The following RIMBP2 variants were observed in gnomAD, a reference collection of about 807,000 sequenced individuals.
The protein encoded by RIMBP2 is RIMS-binding protein 2.
RIMBP2 carries 48 observed loss-of-function variants against 118.6 expected under a neutral mutation model. The ratio of observed to expected loss-of-function variants is 0.40; its 90% CI spans 0.32 to 0.51. The LOEUF (loss-of-function observed/expected upper bound fraction) is 0.51. Among genes scored for constraint, RIMBP2 ranks in the 20% least tolerant of loss-of-function variants. The pLI is 0.41. For synonymous variants in RIMBP2, 762 were observed against 742.9 expected (o/e 1.03, Z -0.42); for missense variants, 1,551 against 1,768.3 (o/e 0.88, Z 2.20).
chr12:130,459,965 A>G (rs2079830688), intron 6 of RIMBP2, among the ~76,000 whole-genome samples: 1 of 152,216 alleles, frequency 6.6e-6, no homozygotes, highest in Non-Finnish European at 1.5e-5. Flanking sequence ...GACTTGGCAC[A>G]GGGTGGACAT....
rs1362987299 is a variant in RIMBP2, at chr12:130,431,362, G to C, written c.2254-3025C>G. ...AGCGGATGGTCAGGGAACACTTCCCGGGTTGTAAAACTGGCAGTCTGTGCA... is the reference window on the plus strand; with the variant it reads ...AGCGGATGGTCAGGGAACACTTCCCCGGTTGTAAAACTGGCAGTCTGTGCA... On this transcript the variant is annotated intron_variant, in intron 14 of 22. Transcript: ENST00000690449. The surrounding 1 kb of genome is among the most constrained non-coding windows in gnomAD (Gnocchi z 4.0). 2.8e-6 allele frequency: 1 copy of C among 355,626 alleles called. No homozygotes were observed. The highest frequency in any genetic ancestry group is 5.9e-6 in the Non-Finnish European group (1 of 168,908). 22.0% of individuals were successfully genotyped at this position (355,626 alleles called of 1,614,324 possible). A position where few individuals can be genotyped will look rare whatever the true frequency, so the allele number is the denominator to read the frequency against.
intron 2 of RIMBP2, among the ~76,000 whole-genome samples, chr12:130,611,227 A>ACATT (rs2060524535): frequency 6.6e-6 from 1 of 152,204 alleles, no homozygotes; most frequent in African/African-American, 2.4e-5. Flanking sequence ...CTGGAACTGC[A>ACATT]CATTCCCCTC....
chr12:130,444,139 T>C (rs1000386370), intron 10 of RIMBP2, among the ~76,000 whole-genome samples: 3 of 152,188 alleles, frequency 2.0e-5, no homozygotes, highest in African/African-American at 7.2e-5. Flanking sequence ...TGGGCACATA[T>C]TTCTGTGCTT....
chr12:130,587,634 T>A (rs1460907385), intron 2 of RIMBP2, among the ~76,000 whole-genome samples: 5 of 85,946 alleles, frequency 5.8e-5, no homozygotes, highest in Non-Finnish European at 1.1e-4. Context: ...AACAATGAGA[T>A]CACATGGACA....
At position 130,638,541 on chromosome 12, in the gene RIMBP2, T is replaced by TA. The variant is rs771681764; in HGVS notation, c.-351-10086dup. 1.2e-3 allele frequency among the ~76,000 whole-genome samples: 184 copies of TA among 152,268 alleles called. 1 individual carries two copies. The highest frequency in any genetic ancestry group is 2.2e-3 in the Non-Finnish European group (147 of 68,012). On this transcript the variant is annotated intron_variant, in intron 1 of 22. Coordinates refer to ENST00000690449, the MANE Select transcript of RIMBP2 (RefSeq NM_001393629.1). Reference sequence around the variant, plus strand: ...CGCCTCCTGTCAGATCATCAGGCATTAGGTTCTCATAGGAATGTGAACCCT... The same window carrying TA: ...CGCCTCCTGTCAGATCATCAGGCATTAAGGTTCTCATAGGAATGTGAACCCT...
chr12:130,501,174 C>G (rs897696863), intron 4 of RIMBP2, among the ~76,000 whole-genome samples: 4 of 152,150 alleles, frequency 2.6e-5, no homozygotes, highest in African/African-American at 4.8e-5. Context: ...CCTGTTGATT[C>G]CACCTTGAAG....
intron 2 of RIMBP2, among the ~76,000 whole-genome samples, chr12:130,522,191 C>A (rs2052204689): frequency 6.6e-6 from 1 of 152,178 alleles, no homozygotes; most frequent in Non-Finnish European, 1.5e-5. Context: ...CAGGAATAGC[C>A]TTATTTGATT....
Position 130,506,745 on chromosome 12 carries a change from T to C in RIMBP2, c.-101A>G. 1 of 985,720 alleles carries C rather than the reference T, an allele frequency of 1.0e-6. No homozygotes were observed. The highest frequency in any genetic ancestry group is 1.2e-6 in the Non-Finnish European group (1 of 829,960). 61.1% of individuals were successfully genotyped at this position (985,720 alleles called of 1,614,324 possible). ...TCTGGTCACGAGGGTGAGCGGATGG[T>C]TGAGATGCACATACTCTGCCTTCAC... On this transcript the variant is annotated 5_prime_UTR_variant, in exon 4 of 23. Transcript: ENST00000690449.
At position 130,688,064 on chromosome 12, in the gene RIMBP2, G is replaced by A. The variant is rs566541168; in HGVS notation, c.-352+28158C>T. ...TTGTTAAAATTCGTACTGTGGGAAAGAGGGGCACATCACAGAAGTCACCAG... is the reference window on the plus strand; with the variant it reads ...TTGTTAAAATTCGTACTGTGGGAAAAAGGGGCACATCACAGAAGTCACCAG... On this transcript the variant is annotated intron_variant, in intron 1 of 22. Coordinates refer to ENST00000690449, the MANE Select transcript of RIMBP2 (RefSeq NM_001393629.1). The surrounding 1 kb of genome is among the most constrained non-coding windows in gnomAD (Gnocchi z 4.7). Among the ~76,000 whole-genome samples the A allele has an allele frequency of 3.9e-5, 6 of 152,350 alleles. No homozygotes were observed. In the East Asian group the frequency reaches 1.2e-3, roughly 29 times the overall value.
At chr12:130,502,154 C>T (rs2049857949) in intron 4 of RIMBP2, among the ~76,000 whole-genome samples, 1 of 152,108 alleles carries the variant, frequency 6.6e-6, no homozygotes, top group Non-Finnish European at 1.5e-5. Flanking sequence ...CAACCAAGAC[C>T]CTCCAGTGGC....
chr12:130,598,959 G>A (rs533725131), intron 2 of RIMBP2, among the ~76,000 whole-genome samples: 12 of 152,134 alleles, frequency 7.9e-5, no homozygotes, highest in African/African-American at 2.2e-4. Context: ...CTCCCACTTC[G>A]GGCTCCCAAA....
intron 2 of RIMBP2, among the ~76,000 whole-genome samples, chr12:130,602,442 A>G (rs987361114): frequency 6.6e-6 from 1 of 152,250 alleles, no homozygotes; most frequent in Admixed American, 6.5e-5. Context: ...CCCTCCGCCC[A>G]TTTGGGGGAG....
intron 13 of RIMBP2, among the ~76,000 whole-genome samples, chr12:130,436,147 C>G (rs1208301491): frequency 2.0e-5 from 3 of 152,216 alleles, no homozygotes; most frequent in Non-Finnish European, 2.9e-5. Context: ...CACATCTCTT[C>G]CCCTAGCCCT....
intron 5 of RIMBP2, among the ~76,000 whole-genome samples, chr12:130,471,318 C>G (rs1012052797): frequency 5.3e-5 from 8 of 152,256 alleles, no homozygotes; most frequent in Non-Finnish European, 1.0e-4. Context: ...AGGGCAGATT[C>G]AAGCACATCT....
chr12:130,673,290 G>A (rs546342756), intron 1 of RIMBP2, among the ~76,000 whole-genome samples: 22 of 152,340 alleles, frequency 1.4e-4, no homozygotes, highest in African/African-American at 4.6e-4. Context: ...GGGACTGGCC[G>A]TCAGATTTCC....
chr12:130,678,571 G>A (rs527422381), intron 1 of RIMBP2, among the ~76,000 whole-genome samples: 129 of 152,174 alleles, frequency 8.5e-4, no homozygotes, highest in East Asian at 3.9e-3. Context: ...AGGCTGGAGC[G>A]CAGTGGCACG....
chr12:130,619,313 G>A lies in RIMBP2; in HGVS notation c.-217+9009C>T, dbSNP rs569818625. Among the ~76,000 whole-genome samples the A allele has an allele frequency of 1.0e-3, 155 of 152,322 alleles. 1 individual carries two copies. Among genetic ancestry groups the A allele is most frequent in the Admixed American group, 2.0e-3 (30 of 15,310 alleles). ...GATTTCAGGCAGTGGAGGGTGCTAC[G>A]CAACAGTCACTGCTTTACAAAACCA... On this transcript the variant is annotated intron_variant, in intron 2 of 22. Transcript: ENST00000690449.
At chr12:130,514,442 G>A (rs560132767) in intron 3 of RIMBP2, among the ~76,000 whole-genome samples, 53 of 152,378 alleles carry the variant, frequency 3.5e-4, no homozygotes, top group Non-Finnish European at 6.0e-4. Context: ...AGGGCTGAGC[G>A]CTGGGACCCC....
rs768778175 is a variant in RIMBP2 at position 130,576,132 on chromosome 12, G to A, written c.-217+52190C>T. Among the ~76,000 whole-genome samples the A allele has an allele frequency of 3.9e-4, 60 of 152,076 alleles. No individual in the cohort carries two copies. The highest frequency in any genetic ancestry group is 7.5e-4 in the Non-Finnish European group (51 of 67,996). ...TTAGGCAAAGGGGCTGCGGACAGGT[G>A]AGGGGGAGGAGGGGGCTGCAGATCG... On this transcript the variant is annotated intron_variant, in intron 2 of 22. Coordinates refer to ENST00000690449, the MANE Select transcript of RIMBP2 (RefSeq NM_001393629.1). This position sits in a 1 kb window ranked among gnomAD's most constrained non-coding sequence, Gnocchi z 4.2.
Sources: gnomAD v4.1 joint callset for allele counts (sites outside exome capture counted in the v4.1 genomes callset) on GRCh38, gnomAD v4.1.1 for gene constraint, Gnocchi (gnomAD v3.1) non-coding constraint, MANE v1.5 for transcripts, NCBI Gene and HGNC (gene_info 2026-07-23, HGNC 2026-07-21) for gene names.